SHANK2: variants seen among roughly 807,000 people sequenced by gnomAD.
SHANK2 encodes SH3 and multiple ankyrin repeat domains protein 2.
SHANK2 carries 43 observed loss-of-function variants against 133.7 expected under a neutral mutation model. The ratio of observed to expected loss-of-function variants is 0.32; its 90% CI spans 0.25 to 0.41. The LOEUF is 0.41. Among genes scored for constraint, SHANK2 ranks in the 10% least tolerant of loss-of-function variants. SHANK2 has a pLI of 1.00. For missense variants in SHANK2, 1,994 were observed against 2,235.8 expected, an observed-to-expected ratio of 0.89 and a Z score of 2.18; for synonymous variants, 1,017 against 952.8, an observed-to-expected ratio of 1.07 and a Z score of -1.24.
intron 4 of SHANK2, among the ~76,000 whole-genome samples, chr11:71,114,000 C>T (rs1951935430): frequency 6.6e-6 from 1 of 152,148 alleles, no homozygotes; most frequent in Admixed American, 6.5e-5. Context: ...TCTAAAATAC[C>T]TCCTCCCTCC....
At chr11:71,141,258 C>A (rs1234087903) in intron 3 of SHANK2, among the ~76,000 whole-genome samples, 1 of 152,014 alleles carries the variant, frequency 6.6e-6, no homozygotes, top group Admixed American at 6.6e-5. Flanking sequence ...TTTGGGAGAT[C>A]GAGGTGGGCA....
intron 2 of SHANK2, among the ~76,000 whole-genome samples, chr11:71,152,462 A>G (rs1201766147): frequency 1.3e-5 from 2 of 152,138 alleles, no homozygotes; most frequent in South Asian, 2.1e-4. Context: ...CATAGTACAC[A>G]TCTACAGCTG....
At chr11:70,837,450 AC>A (rs2135417940) in intron 11 of SHANK2, among the ~76,000 whole-genome samples, 1 of 152,318 alleles carries the variant, frequency 6.6e-6, no homozygotes, top group South Asian at 2.1e-4. Flanking sequence ...CTCATGGTCA[AC>A]GCATGAGGAG....
At chr11:70,920,203 T>C (rs1409890141) in intron 10 of SHANK2, among the ~76,000 whole-genome samples, 2 of 152,256 alleles carry the variant, frequency 1.3e-5, no homozygotes, top group East Asian at 3.9e-4. Context: ...TAGCTACTAG[T>C]ATAATCATAA....
intron 15 of SHANK2, among the ~76,000 whole-genome samples, chr11:70,664,499 C>T (rs1555014343): frequency 6.6e-6 from 1 of 152,188 alleles, no homozygotes; most frequent in East Asian, 1.9e-4. Context: ...GATGCCGAAC[C>T]CTGGGGTCTG....
At chr11:70,502,063 C>T in intron 19 of SHANK2, 132 bp from the exon 20 acceptor site, 1 of 1,317,358 alleles carries the variant, frequency 7.6e-7, no homozygotes, top group East Asian at 2.5e-5. Flanking sequence ...CATGCAGGGG[C>T]ATTTCCTGAT....
At chr11:70,776,380 G>A (rs1947365287) in intron 14 of SHANK2, among the ~76,000 whole-genome samples, 1 of 152,162 alleles carries the variant, frequency 6.6e-6, no homozygotes. Flanking sequence ...AAAGTCTAAG[G>A]CCACAGTGCA....
At chr11:70,850,637 G>T (rs1187157206) in intron 11 of SHANK2, among the ~76,000 whole-genome samples, 1 of 152,230 alleles carries the variant, frequency 6.6e-6, no homozygotes, top group Non-Finnish European at 1.5e-5. Context: ...TGTAGTGGGG[G>T]CTTGGGCCTC....
At chr11:70,644,487 T>C (rs1329085882) in intron 17 of SHANK2, among the ~76,000 whole-genome samples, 23 of 152,214 alleles carry the variant, frequency 1.5e-4, no homozygotes, top group Admixed American at 8.5e-4. Context: ...TGCTTCCCGA[T>C]GGGTCCCAGG....
intron 14 of SHANK2, among the ~76,000 whole-genome samples, chr11:70,771,197 G>T (rs1298407281): frequency 1.3e-5 from 2 of 152,288 alleles, no homozygotes; most frequent in South Asian, 4.1e-4. Flanking sequence ...AAAGTGCTGG[G>T]ATTACAGGCA....
At chr11:70,620,149 C>G (rs2060809370) in intron 17 of SHANK2, among the ~76,000 whole-genome samples, 1 of 152,128 alleles carries the variant, frequency 6.6e-6, no homozygotes, top group Admixed American at 6.5e-5. Flanking sequence ...GCTCCTGACA[C>G]CATCCTGGTG....
intron 4 of SHANK2, among the ~76,000 whole-genome samples, chr11:71,114,077 AC>A (rs1312941047): frequency 2.4e-4 from 36 of 152,170 alleles, no homozygotes; most frequent in Non-Finnish European, 8.8e-5. Flanking sequence ...TTTAGGAGTC[AC>A]TGGAGTTTGG....
intron 17 of SHANK2, among the ~76,000 whole-genome samples, chr11:70,509,275 T>A (rs2135868196): frequency 6.6e-6 from 1 of 152,362 alleles, no homozygotes; most frequent in Non-Finnish European, 1.5e-5. Context: ...CAGCACCAGC[T>A]GTTGCCCATG....
intron 14 of SHANK2, among the ~76,000 whole-genome samples, chr11:70,785,333 C>G (rs541608863): frequency 6.6e-6 from 1 of 152,284 alleles, no homozygotes; most frequent in East Asian, 1.9e-4. Context: ...GGGGGAGGGG[C>G]CCTCACTCAT....
At chr11:70,733,887 A>AC (rs1249759940) in intron 14 of SHANK2, among the ~76,000 whole-genome samples, 16 of 152,006 alleles carry the variant, frequency 1.1e-4, no homozygotes, top group Admixed American at 6.5e-4. Context: ...GGGGAGGGTG[A>AC]CCCCCCAAGC....
At chr11:70,765,166 T>C (rs1486355183) in intron 14 of SHANK2, among the ~76,000 whole-genome samples, 2 of 152,180 alleles carry the variant, frequency 1.3e-5, no homozygotes, top group Non-Finnish European at 2.9e-5. Context: ...GGAAACATTA[T>C]AGCCCACGTC....
At chr11:70,617,415 G>A (rs1302236376) in intron 17 of SHANK2, among the ~76,000 whole-genome samples, 2 of 152,192 alleles carry the variant, frequency 1.3e-5, no homozygotes, top group Admixed American at 6.5e-5. Context: ...GTGGCCCCCA[G>A]GCCAGAGTTC....
intron 17 of SHANK2, among the ~76,000 whole-genome samples, chr11:70,644,515 G>A (rs2061233981): frequency 6.6e-6 from 1 of 152,224 alleles, no homozygotes; most frequent in South Asian, 2.1e-4. Flanking sequence ...CCTCCATGTG[G>A]GGTGGACGCA....
intron 15 of SHANK2, among the ~76,000 whole-genome samples, chr11:70,663,593 G>A (rs1215445401): frequency 1.3e-5 from 2 of 152,196 alleles, no homozygotes; most frequent in African/African-American, 4.8e-5. Context: ...TAGCTTCACA[G>A]CCGAAGACCA....
Sources: allele counts gnomAD v4.1 joint callset (sites outside exome capture counted in the v4.1 genomes callset), GRCh38; gene constraint gnomAD v4.1.1; transcripts MANE v1.5; gene names NCBI Gene and HGNC (gene_info 2026-07-23, HGNC 2026-07-21).